The following SLC4A10 variants were observed in gnomAD, a reference collection of about 807,000 sequenced individuals.
The protein encoded by SLC4A10 is solute carrier family 4 member 10.
A neutral mutation model predicts 137.7 loss-of-function variants in SLC4A10; 42 were observed. The observed-to-expected ratio is 0.30, with a 90% confidence interval of 0.24 to 0.39. The LOEUF (loss-of-function observed/expected upper bound fraction) is 0.39. Among genes scored for constraint, SLC4A10 ranks in the 10% least tolerant of loss-of-function variants. The pLI is 1.00. For synonymous variants in SLC4A10, 474 were observed against 464.1 expected, an observed-to-expected ratio of 1.02 and a Z score of -0.27; for missense variants, 925 against 1,355.0, an observed-to-expected ratio of 0.68 and a Z score of 4.98.
At chr2:161,713,002 A>G (rs1408129151) in intron 1 of SLC4A10, among the ~76,000 whole-genome samples, 1 of 151,954 alleles carries the variant, frequency 6.6e-6, no homozygotes, top group South Asian at 2.1e-4. Context: ...ACAAGTAACT[A>G]TGGCAGAATA....
At chr2:161,696,470 A>C (rs1574410109) in intron 1 of SLC4A10, among the ~76,000 whole-genome samples, 1 of 57,822 alleles carries the variant, frequency 1.7e-5, no homozygotes, top group African/African-American at 7.5e-5. Flanking sequence ...CCCACCCCAC[A>C]ACAGTCCCCA....
chr2:161,715,201 C>A (rs1259327247), intron 1 of SLC4A10, among the ~76,000 whole-genome samples: 4 of 152,004 alleles, frequency 2.6e-5, no homozygotes, highest in Non-Finnish European at 5.9e-5. Flanking sequence ...TTGGCCTTAA[C>A]TACTGTTTCA....
At chr2:161,730,594 G>T (rs1022146818) in intron 1 of SLC4A10, among the ~76,000 whole-genome samples, 2 of 152,148 alleles carry the variant, frequency 1.3e-5, no homozygotes, top group African/African-American at 4.8e-5. Context: ...CGACTTCCTT[G>T]TGTAGTAGTT....
chr2:161,663,785 C>G (rs1214074917), intron 1 of SLC4A10, among the ~76,000 whole-genome samples: 2 of 151,720 alleles, frequency 1.3e-5, no homozygotes, highest in Non-Finnish European at 2.9e-5. Context: ...CAATTGGTTT[C>G]CAAAGATGTT....
chr2:161,778,981 T>C (rs2052704530), intron 2 of SLC4A10, among the ~76,000 whole-genome samples: 1 of 151,896 alleles, frequency 6.6e-6, no homozygotes, highest in Admixed American at 6.6e-5. Flanking sequence ...ACCTGAGTAA[T>C]TTATGAAGAA....
chr2:161,652,933 T>C (rs764544372), intron 1 of SLC4A10, among the ~76,000 whole-genome samples: 1 of 152,116 alleles, frequency 6.6e-6, no homozygotes, highest in African/African-American at 2.4e-5. Flanking sequence ...ACACGTGCCA[T>C]GGTGGTTTGC....
At chr2:161,625,554 A>G (rs939496110) in intron 1 of SLC4A10, among the ~76,000 whole-genome samples, 2 of 152,090 alleles carry the variant, frequency 1.3e-5, no homozygotes, top group African/African-American at 4.8e-5. Flanking sequence ...CCTGTTACTA[A>G]GGTTGGTGAC....
chr2:161,634,015 A>G (rs1375262416), intron 1 of SLC4A10, among the ~76,000 whole-genome samples: 5 of 151,884 alleles, frequency 3.3e-5, no homozygotes, highest in Admixed American at 3.3e-4. Context: ...TAACACTGAT[A>G]CAATTATATT....
chr2:161,798,920 C>T (rs2055069136), intron 2 of SLC4A10, among the ~76,000 whole-genome samples: 1 of 148,474 alleles, frequency 6.7e-6, no homozygotes, highest in South Asian at 2.2e-4. Context: ...TAAGGTTTTA[C>T]AAGACAGAAG....
intron 15 of SLC4A10, among the ~76,000 whole-genome samples, chr2:161,941,073 A>T (rs1692601254): frequency 6.6e-6 from 1 of 152,346 alleles, no homozygotes; most frequent in East Asian, 1.9e-4. Context: ...AGCTGGGTAT[A>T]TGTGATAAGC....
chr2:161,902,283 G>T, intron 12 of SLC4A10: 2 of 200,524 alleles, frequency 1.0e-5, no homozygotes, highest in Non-Finnish European at 2.1e-5. Context: ...TAGAATCAAT[G>T]GTCTAATATA....
At chr2:161,926,180 G>A (rs909763243) in intron 15 of SLC4A10, among the ~76,000 whole-genome samples, 26 of 151,404 alleles carry the variant, frequency 1.7e-4, no homozygotes, top group African/African-American at 6.1e-4. Context: ...TTATTTTGTG[G>A]GAGTCTAAGT....
At chr2:161,823,675 T>A (rs2057805834) in intron 3 of SLC4A10, among the ~76,000 whole-genome samples, 1 of 152,184 alleles carries the variant, frequency 6.6e-6, no homozygotes, top group Admixed American at 6.5e-5. Context: ...GCAGATAACA[T>A]AAAAAGATGC....
rs548952796 is a variant in SLC4A10, at chr2:161,708,320, A to G, written c.49-62653A>G. ...AGTCACATATAGAGAAAGCTGCCTA[A>G]TAATTAAGAGTTGACATTTTAACAT... is the stretch of plus-strand genomic sequence containing the variant. On this transcript the variant is annotated intron_variant, in intron 1 of 26. Coordinates refer to ENST00000446997, the MANE Select transcript of SLC4A10 (RefSeq NM_001178015.2). Among the ~76,000 whole-genome samples, 3 of 151,644 alleles carry G rather than the reference A, an allele frequency of 2.0e-5. No individual in the cohort carries two copies. In the South Asian group the frequency reaches 6.2e-4, roughly 31 times the overall value.
intron 12 of SLC4A10, chr2:161,901,902 A>G (rs1277846061): frequency 2.1e-5 from 8 of 383,808 alleles, no homozygotes; most frequent in Non-Finnish European, 4.0e-5. Flanking sequence ...GTTTGCTTTC[A>G]TACTTTCAAA....
intron 24 of SLC4A10, among the ~76,000 whole-genome samples, chr2:161,975,298 T>C (rs957440610): frequency 2.6e-5 from 4 of 152,178 alleles, no homozygotes; most frequent in Non-Finnish European, 4.4e-5. Context: ...CCTAGTCTTG[T>C]GTGATACCAC....
At chr2:161,889,208 G>A (rs1333210016) in intron 10 of SLC4A10, among the ~76,000 whole-genome samples, 1 of 152,092 alleles carries the variant, frequency 6.6e-6, no homozygotes. Flanking sequence ...GAGGATTTTT[G>A]CATCAATGTT....
intron 2 of SLC4A10, among the ~76,000 whole-genome samples, chr2:161,775,473 T>A (rs976443076): frequency 3.3e-5 from 5 of 151,920 alleles, no homozygotes; most frequent in African/African-American, 7.2e-5. Context: ...AATTTCACAT[T>A]GTTTCACTAT....
At chr2:161,633,926 T>A (rs568026670) in intron 1 of SLC4A10, among the ~76,000 whole-genome samples, 1 of 151,836 alleles carries the variant, frequency 6.6e-6, no homozygotes, top group Non-Finnish European at 1.5e-5. Flanking sequence ...TTTTTACTCA[T>A]GGAATACTTG....
Sources: allele counts gnomAD v4.1 joint callset (sites outside exome capture counted in the v4.1 genomes callset), GRCh38; gene constraint gnomAD v4.1.1; transcripts MANE v1.5; gene names NCBI Gene and HGNC (gene_info 2026-07-23, HGNC 2026-07-21).